The following TRIQK variants were observed in gnomAD, a reference collection of about 807,000 sequenced individuals.
TRIQK encodes the protein triple QxxK/R motif-containing protein.
In TRIQK, 10 loss-of-function variants were observed where a neutral mutation model predicts 10.8. That is an observed-to-expected ratio of 0.92 (90% CI 0.57 to 1.57). The LOEUF is 1.57. TRIQK is among the 40% of genes most tolerant of loss of function. The pLI is 0.00. For synonymous variants in TRIQK, 33 were observed against 33.7 expected, an observed-to-expected ratio of 0.98 and a Z score of 0.07; for missense variants, 107 against 97.7, an observed-to-expected ratio of 1.09 and a Z score of -0.40.
intron 1 of TRIQK, among the ~76,000 whole-genome samples, chr8:92,979,011 T>C (rs1277828357): frequency 6.6e-6 from 1 of 152,146 alleles, no homozygotes; most frequent in Non-Finnish European, 1.5e-5. Flanking sequence ...GATTTTCTCA[T>C]GTCAAAAATC....
intron 3 of TRIQK, among the ~76,000 whole-genome samples, chr8:92,908,979 A>G (rs576237758): frequency 2.0e-5 from 3 of 152,050 alleles, no homozygotes; most frequent in African/African-American, 7.2e-5. Context: ...CTTTTCTTGT[A>G]TTACCTAAGT....
At chr8:92,919,761 G>A (rs1006760752) in intron 2 of TRIQK, among the ~76,000 whole-genome samples, 2 of 151,664 alleles carry the variant, frequency 1.3e-5, no homozygotes, top group South Asian at 4.1e-4. Flanking sequence ...GAATCTATCA[G>A]GTCCTGGACT....
At chr8:92,925,889 T>C (rs535030903) in intron 2 of TRIQK, among the ~76,000 whole-genome samples, 6 of 152,280 alleles carry the variant, frequency 3.9e-5, no homozygotes, top group East Asian at 3.9e-4. Context: ...AAAAATACTT[T>C]CTACAAAAAT....
chr8:92,891,321 C>T (rs760758629), intron 4 of TRIQK, among the ~76,000 whole-genome samples: 4 of 151,738 alleles, frequency 2.6e-5, no homozygotes, highest in Non-Finnish European at 5.9e-5. Context: ...TTATTTTACA[C>T]CTTTGATAGT....
chr8:92,901,639 T>G (rs1048510314), intron 3 of TRIQK, among the ~76,000 whole-genome samples: 2 of 152,156 alleles, frequency 1.3e-5, no homozygotes, highest in African/African-American at 4.8e-5. Context: ...TTGTTGGACT[T>G]TGGTTTACCA....
chr8:92,896,235 T>G (rs1808589563), intron 3 of TRIQK, among the ~76,000 whole-genome samples: 1 of 152,094 alleles, frequency 6.6e-6, no homozygotes, highest in Admixed American at 6.6e-5. Context: ...CAGGCCCAGG[T>G]GAAGTTTGTG....
intron 1 of TRIQK, among the ~76,000 whole-genome samples, chr8:92,976,570 G>A (rs1392809296): frequency 6.6e-6 from 1 of 151,844 alleles, no homozygotes; most frequent in African/African-American, 2.4e-5. Flanking sequence ...GTTGAGTCTT[G>A]TTTTTTAAAA....
intron 1 of TRIQK, among the ~76,000 whole-genome samples, chr8:92,964,649 A>G (rs1273755017): frequency 6.6e-6 from 1 of 151,806 alleles, no homozygotes; most frequent in Non-Finnish European, 1.5e-5. Context: ...AAAATACTTA[A>G]AGCTGAATGG....
At chr8:92,916,611 G>A (rs1030550045) in intron 3 of TRIQK, among the ~76,000 whole-genome samples, 1 of 151,802 alleles carries the variant, frequency 6.6e-6, no homozygotes, top group African/African-American at 2.4e-5. Context: ...TGTATACAAA[G>A]GAATGATTTA....
intron 3 of TRIQK, among the ~76,000 whole-genome samples, chr8:92,912,562 A>G (rs1034650309): frequency 2.6e-5 from 4 of 151,942 alleles, no homozygotes; most frequent in Non-Finnish European, 5.9e-5. Flanking sequence ...AAAATAGTAA[A>G]GATTCTGGCA....
intron 3 of TRIQK, among the ~76,000 whole-genome samples, chr8:92,898,822 G>GGTGT (rs1333719256): frequency 1.4e-4 from 10 of 74,044 alleles, no homozygotes; most frequent in African/African-American, 5.5e-4. Context: ...GTACATAATA[G>GGTGT]GTGTGTGTGT....
chr8:92,912,371 G>C (rs935988960), intron 3 of TRIQK, among the ~76,000 whole-genome samples: 2 of 151,536 alleles, frequency 1.3e-5, no homozygotes, highest in Non-Finnish European at 3.0e-5. Flanking sequence ...TGTTTTGAAA[G>C]GAATGAAAAT....
chr8:92,954,615 T>G (rs1471442253), intron 1 of TRIQK, 51 bp from the exon 2 acceptor site: 1 of 151,928 alleles, frequency 6.6e-6, no homozygotes, highest in East Asian at 1.9e-4. Context: ...GATCTCCAGT[T>G]CCCTAATAGT....
rs28678232 is a variant in TRIQK, at chr8:92,884,341, G to A, written c.*2281C>T. ...TCCCAGTTAATGTGAGTTTTGCAAA[G>A]TTTGCATTTCATGAAAACAGTGTTG... On this transcript the variant is annotated 3_prime_UTR_variant, in exon 5 of 5. Transcript: ENST00000521988. 7,525 of 155,168 alleles carry A rather than the reference G, an allele frequency of 0.048. 447 individuals carry two copies. The highest frequency in any genetic ancestry group is 0.14 in the African/African-American group (5,816 of 41,452). The allele number at this position is 155,168 out of a possible 1,614,324, so 9.6% of individuals were successfully genotyped here.
chr8:92,966,396 TCA>T (rs969004206), upstream of TRIQK, among the ~76,000 whole-genome samples: 139 of 152,066 alleles, frequency 9.1e-4, no homozygotes, highest in African/African-American at 3.1e-3. Flanking sequence ...CCCTCCCATC[TCA>T]CACACACACA....
In TRIQK at chr8:92,999,835, C is replaced by T. The variant is rs142560105; in HGVS notation, c.-181+17774G>A. On this transcript the variant is annotated intron_variant, in intron 1 of 4. Coordinates refer to the TRIQK transcript ENST00000520686. ...CCTTTTCCATTGGTTTGAACAGTAA[C>T]TAAGTCTCCATTAAATTAAAAATGT... 3.1e-3 allele frequency among the ~76,000 whole-genome samples: 469 copies of T among 152,168 alleles called. 3 individuals carry two copies. The highest frequency in any genetic ancestry group is 0.01 in the Middle Eastern group (3 of 294).
intron 2 of TRIQK, among the ~76,000 whole-genome samples, chr8:92,934,987 T>A (rs1174523467): frequency 1.3e-5 from 2 of 151,802 alleles, no homozygotes; most frequent in East Asian, 3.9e-4. Flanking sequence ...TACAATGGAT[T>A]GATGGAGAAA....
chr8:92,997,496 T>C (rs1157534194), intron 1 of TRIQK, among the ~76,000 whole-genome samples: 1 of 152,076 alleles, frequency 6.6e-6, no homozygotes, highest in Non-Finnish European at 1.5e-5. Flanking sequence ...TAAAGTGAAC[T>C]GCACTACGTC....
At chr8:93,010,316 T>C (rs984165868) in intron 1 of TRIQK, among the ~76,000 whole-genome samples, 3 of 152,122 alleles carry the variant, frequency 2.0e-5, no homozygotes, top group African/African-American at 7.2e-5. Context: ...ATATGCTAAT[T>C]ACCATGACTT....
Sources: allele counts gnomAD v4.1 joint callset (sites outside exome capture counted in the v4.1 genomes callset), GRCh38; gene constraint gnomAD v4.1.1; transcripts MANE v1.5; gene names NCBI Gene and HGNC (gene_info 2026-07-23, HGNC 2026-07-21).